SFMBT2: variants seen among roughly 807,000 people sequenced by gnomAD.
The protein encoded by SFMBT2 is Scm like with four mbt domains 2.
A neutral mutation model predicts 110.1 loss-of-function variants in SFMBT2; 38 were observed. The ratio of observed to expected loss-of-function variants is 0.35; its 90% confidence interval spans 0.27 to 0.45. The LOEUF (loss-of-function observed/expected upper bound fraction) is 0.45. SFMBT2 is among the 20% of genes least tolerant of loss of function. The pLI is 1.00. For missense variants in SFMBT2, 1,011 were observed against 1,094.9 expected (o/e 0.92, Z 1.08); for synonymous variants, 425 against 425.4 (o/e 1.00, Z 0.01).
chr10:7,375,751 CCACACACACACACA>C (rs35306837), intron 2 of SFMBT2, among the ~76,000 whole-genome samples: 197 of 124,770 alleles, frequency 1.6e-3, no homozygotes, highest in South Asian at 9.9e-3. Context: ...AAAGAAAAAA[CCACACACACACACA>C]CACACACACA....
At position 7,358,776 on chromosome 10, in the gene SFMBT2, ATGGCCCTGGAATGGAGGCATGG is replaced by A. The variant is rs1486376434; in HGVS notation, c.436+8851_436+8872del. 6.5e-4 allele frequency among the ~76,000 whole-genome samples: 91 copies of A among 140,444 alleles called. 3 individuals carry two copies. In the South Asian group the frequency reaches 0.018, roughly 28 times the overall value. The allele number at this position is 140,444 out of a possible 152,430, so 92.1% of individuals were successfully genotyped here. A position where few individuals can be genotyped will look rare whatever the true frequency, so the allele number is the denominator to read the frequency against. On this transcript the variant is annotated intron_variant, in intron 4 of 20. Coordinates refer to ENST00000397167, the MANE Select transcript of SFMBT2 (RefSeq NM_001387889.1). ...ATCAGCATGGCCCTAGAACATCTGC[ATGGCCCTGGAATGGAGGCATGG>A]TGGCCCTGGAATGGAGGCATGGTGG...
At chr10:7,330,717 C>T (rs952572813) in intron 4 of SFMBT2, among the ~76,000 whole-genome samples, 4 of 152,206 alleles carry the variant, frequency 2.6e-5, no homozygotes, top group Non-Finnish European at 5.9e-5. Flanking sequence ...ATCACTCCCT[C>T]TCTCTCACTT....
In SFMBT2 at chr10:7,344,190, G is replaced by C. The variant is rs1033826179; in HGVS notation, c.436+23459C>G. Among the ~76,000 whole-genome samples, 11 of 152,128 alleles carry C rather than the reference G, an allele frequency of 7.2e-5. 1 individual carries two copies. The highest frequency in any genetic ancestry group is 5.9e-4 in the Admixed American group (9 of 15,276). ...TCATATCCCTAACACTGAAGTATTA[G>C]GCATTTTTGCATTTCATGGGTTAGG... On this transcript the variant is annotated intron_variant, in intron 4 of 20. Coordinates refer to ENST00000397167, the MANE Select transcript of SFMBT2 (RefSeq NM_001387889.1).
In SFMBT2 at chr10:7,176,027, GC is replaced by G; in HGVS notation, c.1946del (p.Cys649SerfsTer182). ...TGGTATGAATGGAGCAGTTCTCTGG[GC>G]AGTTTTCAGATATCAGCACAGGACT... is the stretch of plus-strand genomic sequence containing the variant. ...LFSPVLISENCPENCSIHTKT... is the reference protein window; with the variant it reads ...LFSPVLISENXPENCSIHTKT... On this transcript the variant is annotated frameshift_variant, in exon 17 of 21. Coordinates refer to ENST00000397167, the MANE Select transcript of SFMBT2 (RefSeq NM_001387889.1). LOFTEE classifies it high-confidence loss of function. 1 of 1,614,134 alleles carries G rather than the reference GC, an allele frequency of 6.2e-7. No homozygotes were observed. Among genetic ancestry groups the G allele is most frequent in the Non-Finnish European group, 8.5e-7 (1 of 1,180,018 alleles).
intron 9 of SFMBT2, chr10:7,228,243 TA>T: frequency 3.5e-6 from 1 of 285,868 alleles, no homozygotes; most frequent in Non-Finnish European, 5.2e-6. Flanking sequence ...GGATATGGCA[TA>T]AAATACACTC....
intron 7 of SFMBT2, among the ~76,000 whole-genome samples, chr10:7,262,611 C>T (rs577379291): frequency 6.6e-6 from 1 of 152,336 alleles, no homozygotes; most frequent in African/African-American, 2.4e-5. Context: ...TGAAAGTTGA[C>T]TAAATTCTTA....
chr10:7,244,062 A>T, intron 8 of SFMBT2: 18 of 904,906 alleles, frequency 2.0e-5, no homozygotes, highest in Non-Finnish European at 2.4e-5. Context: ...GGAACTGAAA[A>T]GTGAAACCGT....
intron 4 of SFMBT2, among the ~76,000 whole-genome samples, chr10:7,346,479 C>T (rs1003970945): frequency 1.3e-5 from 2 of 152,070 alleles, no homozygotes; most frequent in African/African-American, 4.8e-5. Context: ...TCTCTTTAAA[C>T]GTTAATGCAA....
chr10:7,192,057 A>C (rs921150803), intron 15 of SFMBT2, among the ~76,000 whole-genome samples: 2 of 152,172 alleles, frequency 1.3e-5, no homozygotes, highest in Non-Finnish European at 2.9e-5. Flanking sequence ...CAAAAAAAAA[A>C]ATGTGCACTT....
chr10:7,218,388 C>A (rs1462048855), intron 11 of SFMBT2, among the ~76,000 whole-genome samples: 10 of 152,266 alleles, frequency 6.6e-5, no homozygotes, highest in African/African-American at 2.4e-4. Flanking sequence ...TCAAGCAAGA[C>A]CCAGGAAACT....
At position 7,176,642 on chromosome 10, in the gene SFMBT2, T is replaced by C. The variant is rs558969253; in HGVS notation, c.1809-477A>G. 7 of 335,160 alleles carry C rather than the reference T, an allele frequency of 2.1e-5. No individual in the cohort carries two copies. The East Asian group carries it at 5.1e-4, about 24-fold the overall frequency. The allele number at this position is 335,160 out of a possible 1,614,324, so 20.8% of individuals were successfully genotyped here. On this transcript the variant is annotated intron_variant, in intron 16 of 20. Transcript: ENST00000397167. ...ATCTTTGTCAAGACTGTGTATCATATTGTTGAAATGGGGACGATTTCCATT... is the reference window on the plus strand; with the variant it reads ...ATCTTTGTCAAGACTGTGTATCATACTGTTGAAATGGGGACGATTTCCATT...
chr10:7,196,665 T>C (rs1838777790), intron 15 of SFMBT2, among the ~76,000 whole-genome samples: 1 of 152,224 alleles, frequency 6.6e-6, no homozygotes, highest in South Asian at 2.1e-4. Context: ...CAAACATTTG[T>C]TCAATGGATC....
At chr10:7,377,354 T>C (rs1464864956) in intron 2 of SFMBT2, among the ~76,000 whole-genome samples, 3 of 152,070 alleles carry the variant, frequency 2.0e-5, no homozygotes, top group Non-Finnish European at 4.4e-5. Context: ...TGGAAGACAA[T>C]TAGGCACCGG....
rs1843134051 is a variant in SFMBT2, at chr10:7,320,013, G to GCTCT, written c.437-34060_437-34059insAGAG. 2.2e-5 allele frequency among the ~76,000 whole-genome samples: 3 copies of GCTCT among 135,580 alleles called. No individual in the cohort carries two copies. The Admixed American group carries it at 2.2e-4, about 10-fold the overall frequency. The allele number at this position is 135,580 out of a possible 152,430, so 88.9% of individuals were successfully genotyped here. The stretch of plus-strand genomic sequence containing the variant: ...GAGAGACAGAGAGGGAGACAGAGAA[G>GCTCT]GAGAGAGACAGAAAGAGAAAGAGAG... On this transcript the variant is annotated intron_variant, in intron 4 of 20. Transcript: ENST00000397167.
At chr10:7,229,600 A>AC (rs531482507) in intron 9 of SFMBT2, among the ~76,000 whole-genome samples, 66 of 151,252 alleles carry the variant, frequency 4.4e-4, no homozygotes, top group African/African-American at 1.5e-3. Flanking sequence ...ATCTCAAAAA[A>AC]AAAAAAAAAG....
chr10:7,394,276 T>C (rs1027880968), intron 1 of SFMBT2, among the ~76,000 whole-genome samples: 2 of 152,094 alleles, frequency 1.3e-5, no homozygotes, highest in Non-Finnish European at 2.9e-5. Flanking sequence ...CATCTGCATA[T>C]AATTTTGAAA....
In SFMBT2 at chr10:7,290,028, A is replaced by T. The variant is rs183510537; in HGVS notation, c.437-4074T>A. Among the ~76,000 whole-genome samples, 11 of 152,304 alleles carry T rather than the reference A, an allele frequency of 7.2e-5. 1 individual carries two copies. In the East Asian group the frequency reaches 1.9e-3, roughly 27 times the overall value. ...GCTGTAAGCCAAATCCTTGTCTATGATCATTATCTTATTCTTCAAATTGAA... is the reference window on the plus strand; with the variant it reads ...GCTGTAAGCCAAATCCTTGTCTATGTTCATTATCTTATTCTTCAAATTGAA... On this transcript the variant is annotated intron_variant, in intron 4 of 20. Transcript: ENST00000397167.
intron 7 of SFMBT2, among the ~76,000 whole-genome samples, chr10:7,252,234 T>C (rs1373498039): frequency 1.3e-5 from 2 of 152,202 alleles, no homozygotes; most frequent in African/African-American, 4.8e-5. Context: ...GGAAACTCTG[T>C]GTCCCCAGAA....
chr10:7,203,873 GC>G (rs1839038243), intron 12 of SFMBT2: 1 of 155,148 alleles, frequency 6.4e-6, no homozygotes, highest in African/African-American at 2.4e-5. Context: ...GCACCACCAT[GC>G]CTGGTTAATT....
Sources: allele counts gnomAD v4.1 joint callset (sites outside exome capture counted in the v4.1 genomes callset), GRCh38; gene constraint gnomAD v4.1.1; transcripts MANE v1.5; gene names NCBI Gene and HGNC (gene_info 2026-07-23, HGNC 2026-07-21).